The following FBXO10 variants were observed in gnomAD, a reference collection of about 807,000 sequenced individuals.
The protein encoded by FBXO10 is F-box only protein 10.
Under a neutral mutation model 80.7 loss-of-function variants are expected in FBXO10, and 39 were observed. The observed-to-expected ratio is 0.48, with a 90% CI of 0.37 to 0.63. FBXO10 has a LOEUF of 0.63. Among genes scored for constraint, FBXO10 ranks in the 30% least tolerant of loss-of-function variants. The probability of loss-of-function intolerance (pLI) is 0.00; values close to 1 mark genes in which losing one functional copy is unlikely to be tolerated. For missense variants in FBXO10, 1,025 were observed against 1,269.0 expected (o/e 0.81, Z 2.92); for synonymous variants, 449 against 489.6 (o/e 0.92, Z 1.09).
chr9:37,557,567 T>C (rs1397082411), intron 1 of FBXO10, among the ~76,000 whole-genome samples: 2 of 152,186 alleles, frequency 1.3e-5, no homozygotes, highest in Non-Finnish European at 2.9e-5. Flanking sequence ...TTGCTGTCTT[T>C]CCATAAAGTT....
chr9:37,528,900 C>T (rs1821543455), intron 5 of FBXO10, among the ~76,000 whole-genome samples: 1 of 152,212 alleles, frequency 6.6e-6, no homozygotes. Flanking sequence ...CAGAGCCTGC[C>T]CATGTTGGAA....
chr9:37,521,880 G>A (rs1161376232), intron 7 of FBXO10, 42 bp from the exon 8 acceptor site: 3 of 1,517,694 alleles, frequency 2.0e-6, no homozygotes, highest in South Asian at 1.3e-5. Context: ...CTGAACTCAG[G>A]TGAAGCGGCA....
intron 8 of FBXO10, among the ~76,000 whole-genome samples, chr9:37,521,268 G>A (rs773738784): frequency 2.7e-5 from 4 of 150,594 alleles, no homozygotes; most frequent in South Asian, 2.1e-4. Flanking sequence ...CCGCCCCACC[G>A]TCTGGGAAGT....
chr9:37,555,027 A>C (rs1822301100), intron 1 of FBXO10, among the ~76,000 whole-genome samples: 1 of 152,170 alleles, frequency 6.6e-6, no homozygotes, highest in Non-Finnish European at 1.5e-5. Flanking sequence ...AAGAATAAGA[A>C]ACACAGTTGC....
intron 5 of FBXO10, among the ~76,000 whole-genome samples, chr9:37,525,611 A>T (rs1821450918): frequency 2.6e-5 from 4 of 151,722 alleles, no homozygotes; most frequent in Non-Finnish European, 2.9e-5. Flanking sequence ...GTGCAGTGGC[A>T]CAATCTCAGC....
chr9:37,533,840 C>T (rs1444228572), intron 3 of FBXO10, among the ~76,000 whole-genome samples: 3 of 151,342 alleles, frequency 2.0e-5, no homozygotes, highest in African/African-American at 4.9e-5. Context: ...TCTTTGCACT[C>T]CAGCCTGGGC....
Position 37,521,591 on chromosome 9 carries a change from A to T in FBXO10, c.2178T>A (p.Ser726=), listed in dbSNP as rs996853457. The change falls in exon 8 of 11, where the codon TCT becomes TCA. Residue 726 remains serine (S), a synonymous_variant. Transcript: ENST00000432825. ...RRPITIALVE[S]NSINHNGASG... ...CACCTCCATTGTGATTAATACTGTT[A>T]GACTCAACAAGAGCTATGGTGATGG... 7.4e-6 allele frequency: 12 copies of T among 1,612,950 alleles called. No homozygotes were observed. Among genetic ancestry groups the T allele is most frequent in the Non-Finnish European group, 9.3e-6 (11 of 1,179,428 alleles).
chr9:37,514,487 G>A (rs1821134264), intron 10 of FBXO10, among the ~76,000 whole-genome samples: 1 of 151,968 alleles, frequency 6.6e-6, no homozygotes, highest in Non-Finnish European at 1.5e-5. Flanking sequence ...TTCTATTTTG[G>A]GGATAGTTTA....
At position 37,530,502 on chromosome 9, in the gene FBXO10, C is replaced by G. The variant is rs564590347; in HGVS notation, c.1570-1242G>C. On this transcript the variant is annotated intron_variant, in intron 4 of 10. Coordinates refer to ENST00000432825, the MANE Select transcript of FBXO10 (RefSeq NM_012166.3). ...TCAGAAGGGCAAACCCCTCATCTCT[C>G]TAGCCAGAGGGGCAATAATTTCCTA... Among the ~76,000 whole-genome samples, 4 of 152,362 alleles carry G rather than the reference C, an allele frequency of 2.6e-5. No homozygotes were observed. In the East Asian group the frequency reaches 7.7e-4, roughly 29 times the overall value.
At chr9:37,530,198 A>G (rs1333379741) in intron 4 of FBXO10, among the ~76,000 whole-genome samples, 1 of 152,186 alleles carries the variant, frequency 6.6e-6, no homozygotes, top group Non-Finnish European at 1.5e-5. Context: ...GTAAATTGGG[A>G]AGTTAGCTGT....
chr9:37,569,144 T>C (rs1026652587), intron 1 of FBXO10, among the ~76,000 whole-genome samples: 1 of 151,932 alleles, frequency 6.6e-6, no homozygotes. Context: ...AACCCAATTA[T>C]ATGCTATTCA....
chr9:37,557,390 T>A (rs13286822), intron 1 of FBXO10, among the ~76,000 whole-genome samples: 25,308 of 152,106 alleles, frequency 0.17, 2,231 homozygotes, highest in Middle Eastern at 0.26. Flanking sequence ...CTCTGATTAT[T>A]CTTTTCTTAA....
At chr9:37,524,513 A>G (rs1392309503) in intron 6 of FBXO10, among the ~76,000 whole-genome samples, 1 of 152,128 alleles carries the variant, frequency 6.6e-6, no homozygotes. Flanking sequence ...TTCATATCCC[A>G]GGCCTGGCTC....
intron 1 of FBXO10, among the ~76,000 whole-genome samples, chr9:37,561,644 G>GA (rs1325024378): frequency 1.4e-4 from 21 of 152,114 alleles, no homozygotes; most frequent in Middle Eastern, 3.2e-3. Flanking sequence ...AATTTCCAGA[G>GA]AAAAAAATCA....
chr9:37,550,227 G>A (rs1391985618), intron 1 of FBXO10, among the ~76,000 whole-genome samples: 1 of 119,198 alleles, frequency 8.4e-6, no homozygotes, highest in Non-Finnish European at 1.6e-5. Context: ...CTGTTGCTCA[G>A]GCTGGAGTGT....
chr9:37,531,606 T>C (rs1821625128), intron 4 of FBXO10, among the ~76,000 whole-genome samples: 1 of 152,222 alleles, frequency 6.6e-6, no homozygotes, highest in African/African-American at 2.4e-5. Context: ...GACATCACTC[T>C]CTTTAACCTT....
At chr9:37,547,929 C>G (rs1300404888) in intron 1 of FBXO10, among the ~76,000 whole-genome samples, 1 of 152,100 alleles carries the variant, frequency 6.6e-6, no homozygotes, top group East Asian at 1.9e-4. Flanking sequence ...GCACTCCAGC[C>G]TGGGTGACAG....
At chr9:37,567,287 C>A (rs867289445) in intron 1 of FBXO10, among the ~76,000 whole-genome samples, 2 of 151,114 alleles carry the variant, frequency 1.3e-5, no homozygotes, top group South Asian at 4.2e-4. Flanking sequence ...GGACTATGGG[C>A]ACACGCTACC....
chr9:37,563,386 G>T (rs2119182973), intron 1 of FBXO10, among the ~76,000 whole-genome samples: 1 of 152,318 alleles, frequency 6.6e-6, no homozygotes, highest in African/African-American at 2.4e-5. Context: ...AGCGACTTTG[G>T]AACTGGGTAA....
Sources: gnomAD v4.1 joint callset for allele counts (sites outside exome capture counted in the v4.1 genomes callset) on GRCh38, gnomAD v4.1.1 for gene constraint, MANE v1.5 for transcripts, NCBI Gene and HGNC (gene_info 2026-07-23, HGNC 2026-07-21) for gene names.